PLA2R1: variants seen among roughly 807,000 people sequenced by gnomAD.
The protein encoded by PLA2R1 is secretory phospholipase A2 receptor.
PLA2R1 carries 158 observed loss-of-function variants against 195.9 expected under a neutral mutation model. The observed-to-expected ratio is 0.81, with a 90% CI of 0.71 to 0.92. The LOEUF is 0.92. PLA2R1 is among the 40% of genes least tolerant of loss of function. The pLI, the probability that PLA2R1 is intolerant of heterozygous loss-of-function variation, is 0.00. For missense variants in PLA2R1, 1,626 were observed against 1,764.6 expected (o/e 0.92, Z 1.41); for synonymous variants, 586 against 598.2 (o/e 0.98, Z 0.30).
At chr2:160,009,104 G>T (rs1015523036) in intron 10 of PLA2R1, among the ~76,000 whole-genome samples, 2 of 152,224 alleles carry the variant, frequency 1.3e-5, no homozygotes, top group African/African-American at 4.8e-5. Flanking sequence ...TGCACTACTG[G>T]TGGGAATGGA....
chr2:159,969,178 G>T (rs893788434), intron 19 of PLA2R1, 78 bp downstream of exon 19: 3 of 704,646 alleles, frequency 4.3e-6, no homozygotes, highest in Non-Finnish European at 7.5e-6. Context: ...TCATGGAAAT[G>T]ATGCAAGGAA....
At chr2:159,930,984 T>C (rs1686573198), downstream of PLA2R1, among the ~76,000 whole-genome samples, 1 of 152,232 alleles carries the variant, frequency 6.6e-6, no homozygotes, top group South Asian at 2.1e-4. Flanking sequence ...ATCTATTCTG[T>C]GTGGATTCCA....
chr2:159,953,480 T>G (rs1353902019), intron 23 of PLA2R1, among the ~76,000 whole-genome samples: 1 of 152,268 alleles, frequency 6.6e-6, no homozygotes, highest in Non-Finnish European at 1.5e-5. Flanking sequence ...CTATATCGTT[T>G]GTTAAATATA....
At chr2:159,964,693 T>C (rs550662635) in intron 20 of PLA2R1, among the ~76,000 whole-genome samples, 1 of 151,282 alleles carries the variant, frequency 6.6e-6, no homozygotes, top group African/African-American at 2.4e-5. Context: ...TAAGCTGACA[T>C]GGCAACCCTT....
Position 159,949,745 on chromosome 2 carries a change from G to A in PLA2R1, c.3572C>T (p.Thr1191Ile), listed in dbSNP as rs1039660349. The A allele has an allele frequency of 1.4e-5, 23 of 1,613,840 alleles. No homozygotes were observed. The highest frequency in any genetic ancestry group is 1.8e-5 in the Non-Finnish European group (21 of 1,179,878). ...TTTCCAAAAAGTGAAAGAAGATTTGGTGCCATCAGACCAGTCAAAATTAAG... is the reference window on the plus strand; with the variant it reads ...TTTCCAAAAAGTGAAAGAAGATTTGATGCCATCAGACCAGTCAAAATTAAG... ...NGLNFDWSDG[T>I]KSSFTFWKDE... The change falls in exon 25 of 30, where the codon ACC (threonine) becomes ATC (isoleucine). Residue 1191 changes from threonine to isoleucine, a missense_variant. Transcript: ENST00000283243.
chr2:160,019,318 T>C (rs933707308), intron 8 of PLA2R1, among the ~76,000 whole-genome samples: 7 of 152,096 alleles, frequency 4.6e-5, no homozygotes, highest in African/African-American at 1.7e-4. Flanking sequence ...CCCTCAGTTC[T>C]TCCCCTCATC....
chr2:160,032,181 T>C (rs1346932749), intron 4 of PLA2R1, among the ~76,000 whole-genome samples: 1 of 152,360 alleles, frequency 6.6e-6, no homozygotes, highest in African/African-American at 2.4e-5. Flanking sequence ...TATGGGAACC[T>C]TTTTATTGGT....
At chr2:160,024,615 T>C (rs2105485981) in intron 6 of PLA2R1, among the ~76,000 whole-genome samples, 1 of 152,280 alleles carries the variant, frequency 6.6e-6, no homozygotes, top group South Asian at 2.1e-4. Flanking sequence ...GCACCTAAGC[T>C]GAAGCAGCCC....
chr2:159,933,130 G>T lies in PLA2R1; in HGVS notation c.*8648C>A, dbSNP rs1257679849. On this transcript the variant is annotated 3_prime_UTR_variant, in exon 30 of 30. Coordinates refer to ENST00000283243, the MANE Select transcript of PLA2R1 (RefSeq NM_007366.5). Reference sequence around the variant, plus strand: ...GGTGTGAAGAAAACAGCACTTGAATGATTTTTTCCCTTAATTTGTTCTAAA... The same window carrying T: ...GGTGTGAAGAAAACAGCACTTGAATTATTTTTTCCCTTAATTTGTTCTAAA... 1 of 152,104 alleles carries T rather than the reference G, an allele frequency of 6.6e-6. No individual in the cohort carries two copies. Among genetic ancestry groups the T allele is most frequent in the African/African-American group, 2.4e-5 (1 of 41,412 alleles). 9.4% of individuals were successfully genotyped at this position (152,104 alleles called of 1,614,324 possible).
Position 159,938,493 on chromosome 2 carries a change from G to A in PLA2R1, c.*3285C>T, listed in dbSNP as rs1287075515. The stretch of plus-strand genomic sequence containing the variant: ...ACTGCAGGGGTGAAGTGACTGCCTT[G>A]TAGCCAAGAACTGCAGTGTTCGGAT... On this transcript the variant is annotated 3_prime_UTR_variant, in exon 30 of 30. Transcript: ENST00000283243. 6.6e-6 allele frequency: 1 copy of A among 152,242 alleles called. No homozygotes were observed. The highest frequency in any genetic ancestry group is 1.5e-5 in the Non-Finnish European group (1 of 68,054). 9.4% of individuals were successfully genotyped at this position (152,242 alleles called of 1,614,324 possible).
chr2:160,005,813 T>C lies in PLA2R1; in HGVS notation c.1673A>G (p.Gln558Arg). ...ACTGATCAAACTGGTAATAAAAGCC[T>C]GTTCAAACCTTAAAAGGGGAAAAAA... ...ALVTITNRFE[Q>R]AFITSLISSV... The change falls in exon 11 of 30, where the codon CAG becomes CGG. Residue 558 changes from glutamine (Q) to arginine (R), a missense_variant. Transcript: ENST00000283243. 5.6e-6 allele frequency: 9 copies of C among 1,609,738 alleles called. No homozygotes were observed. The highest frequency in any genetic ancestry group is 6.0e-6 in the Non-Finnish European group (7 of 1,176,356).
chr2:160,046,403 T>C (rs536830025), intron 1 of PLA2R1, among the ~76,000 whole-genome samples: 2 of 152,270 alleles, frequency 1.3e-5, no homozygotes, highest in Admixed American at 6.5e-5. Flanking sequence ...GCGGGTCATG[T>C]AATGGAGGGC....
In PLA2R1 at chr2:159,976,202, C is replaced by T. The variant is rs749948190; in HGVS notation, c.2461G>A (p.Asp821Asn). 41 of 1,609,102 alleles carry T rather than the reference C, an allele frequency of 2.5e-5. No individual in the cohort carries two copies. The Admixed American group carries it at 4.4e-4, about 17-fold the overall frequency. The change falls in exon 17 of 30, where the codon GAT (aspartate) becomes AAT (asparagine). Residue 821 changes from aspartate to asparagine, a missense_variant. Transcript: ENST00000283243. ...QYDVPWLFYQ[D>N]AEYLFHTFAS... ...AAGGTATGAAAAAGGTATTCTGCAT[C>T]CTGATAAAAGAGCCAGGGTACATCT...
Position 159,941,810 on chromosome 2 carries a change from G to T in PLA2R1, c.4360C>A (p.Leu1454Ile), listed in dbSNP as rs1227961269. ...FSTVYLEENILISDLEKSDQ is the reference protein window; with the variant it reads ...FSTVYLEENIIISDLEKSDQ ...TCACTCTTCTCAAGATCAGAAATGA[G>T]AATATTTTCTTCTAAATATACTGTA... Residue 1454 changes from leucine to isoleucine, a missense_variant, in exon 30 of 30, where the codon CTC becomes ATC. Leu to Ile is a conservative substitution (Grantham distance 5). Coordinates refer to ENST00000283243, the MANE Select transcript of PLA2R1 (RefSeq NM_007366.5). 3 of 1,606,936 alleles carry T rather than the reference G, an allele frequency of 1.9e-6. No homozygotes were observed. Among genetic ancestry groups the T allele is most frequent in the Non-Finnish European group, 2.6e-6 (3 of 1,173,706 alleles).
At chr2:160,006,734 A>G (rs1434789337) in intron 10 of PLA2R1, among the ~76,000 whole-genome samples, 1 of 152,258 alleles carries the variant, frequency 6.6e-6, no homozygotes, top group Admixed American at 6.5e-5. Context: ...AGACCTGCTG[A>G]GTCAATGGAA....
chr2:160,018,080 A>G (rs1305044347), intron 8 of PLA2R1, among the ~76,000 whole-genome samples: 1 of 152,184 alleles, frequency 6.6e-6, no homozygotes, highest in Non-Finnish European at 1.5e-5. Context: ...CTCCATGGAA[A>G]TAAATGTTAA....
chr2:159,962,067 C>A (rs1411556272), intron 20 of PLA2R1, among the ~76,000 whole-genome samples: 1 of 152,070 alleles, frequency 6.6e-6, no homozygotes, highest in Non-Finnish European at 1.5e-5. Context: ...TTCTGCACAG[C>A]AAAAGAAACT....
chr2:159,975,039 G>A (rs1291172701), intron 17 of PLA2R1, among the ~76,000 whole-genome samples: 1 of 152,112 alleles, frequency 6.6e-6, no homozygotes, highest in Non-Finnish European at 1.5e-5. Context: ...AAAAGAAAAT[G>A]GCTTTTTCTT....
chr2:159,976,812 T>C, intron 15 of PLA2R1, 92 bp from the exon 16 acceptor site: 1 of 948,774 alleles, frequency 1.1e-6, no homozygotes, highest in Non-Finnish European at 1.7e-6. Flanking sequence ...TATTTTGTCC[T>C]TCATCTTTTA....
Sources: allele counts gnomAD v4.1 joint callset (sites outside exome capture counted in the v4.1 genomes callset), GRCh38; gene constraint gnomAD v4.1.1; transcripts MANE v1.5; gene names NCBI Gene and HGNC (gene_info 2026-07-23, HGNC 2026-07-21).